The following CDH10 variants were observed in gnomAD, a reference collection of about 807,000 sequenced individuals.
The protein encoded by CDH10 is cadherin-10.
A neutral mutation model predicts 73.1 loss-of-function variants in CDH10; 30 were observed. That is an observed-to-expected ratio of 0.41 (90% CI 0.31 to 0.56). CDH10 has a LOEUF of 0.56. CDH10 is among the 20% of genes least tolerant of loss of function. The probability of loss-of-function intolerance (pLI) is 0.27; values close to 1 mark genes in which losing one functional copy is unlikely to be tolerated. For missense variants in CDH10, 815 were observed against 973.7 expected, an observed-to-expected ratio of 0.84 and a Z score of 2.17; for synonymous variants, 345 against 348.2, an observed-to-expected ratio of 0.99 and a Z score of 0.10.
chr5:24,563,473 C>G (rs896632164), intron 2 of CDH10, among the ~76,000 whole-genome samples: 3 of 145,492 alleles, frequency 2.1e-5, no homozygotes, highest in Admixed American at 2.1e-4. Flanking sequence ...ACTATGTAAA[C>G]AGCCGGGCGC....
intron 5 of CDH10, among the ~76,000 whole-genome samples, chr5:24,522,672 C>T (rs1579756569): frequency 6.6e-6 from 1 of 152,100 alleles, no homozygotes; most frequent in East Asian, 1.9e-4. Context: ...AGCAGCTGCC[C>T]ACACAACACA....
At chr5:24,599,587 T>C (rs1010237719) in intron 1 of CDH10, among the ~76,000 whole-genome samples, 2 of 152,200 alleles carry the variant, frequency 1.3e-5, no homozygotes, top group African/African-American at 4.8e-5. Context: ...CAGACTGGCA[T>C]AAACTGTTCT....
intron 1 of CDH10, among the ~76,000 whole-genome samples, chr5:24,615,334 C>T (rs1272967782): frequency 6.6e-6 from 1 of 152,152 alleles, no homozygotes; most frequent in African/African-American, 2.4e-5. Flanking sequence ...CTCGTTGACA[C>T]TAAAAACTGA....
At chr5:24,644,441 CTTAT>C (rs1266570581) in intron 1 of CDH10, among the ~76,000 whole-genome samples, 149 bp downstream of exon 1, 9 of 151,888 alleles carry the variant, frequency 5.9e-5, no homozygotes, top group East Asian at 1.9e-4. Context: ...GAGTTGTATG[CTTAT>C]TTAAGTATTA....
At chr5:24,503,467 T>C (rs573177279) in intron 8 of CDH10, among the ~76,000 whole-genome samples, 11 of 152,264 alleles carry the variant, frequency 7.2e-5, no homozygotes, top group African/African-American at 2.6e-4. Flanking sequence ...TAAAAGAGAC[T>C]CTTGCATGTT....
chr5:24,497,087 C>A (rs1475692729), intron 9 of CDH10, among the ~76,000 whole-genome samples: 1 of 151,520 alleles, frequency 6.6e-6, no homozygotes, highest in Non-Finnish European at 1.5e-5. Flanking sequence ...TTTAAATGTC[C>A]AAAAGGTATG....
Position 24,634,574 on chromosome 5 carries a change from G to T in CDH10, c.-124+10020C>A, listed in dbSNP as rs146071957. 6.1e-4 allele frequency among the ~76,000 whole-genome samples: 93 copies of T among 151,782 alleles called. 1 individual carries two copies. The highest frequency in any genetic ancestry group is 2.2e-3 in the African/African-American group (90 of 41,522). On this transcript the variant is annotated intron_variant, in intron 1 of 11. Transcript: ENST00000264463. Reference sequence around the variant, plus strand: ...CATTTAATCAAGATGATAAGAAAAAGATAACTGTGACTCTGATTAAGCAGA... The same window carrying T: ...CATTTAATCAAGATGATAAGAAAAATATAACTGTGACTCTGATTAAGCAGA...
rs559206857 is a variant in CDH10, at chr5:24,500,630, A to G, written c.1394-2111T>C. On this transcript the variant is annotated intron_variant, in intron 8 of 11. Transcript: ENST00000264463. ...TATTCAATGTCTTGGTTTACTCAAT[A>G]TAAATCAAAGTAGAACCTCTAATCT... Among the ~76,000 whole-genome samples the G allele has an allele frequency of 1.7e-3, 261 of 152,344 alleles. 1 individual carries two copies. Among genetic ancestry groups the G allele is most frequent in the African/African-American group, 6.1e-3 (254 of 41,588 alleles).
In CDH10 at chr5:24,489,596, T is replaced by C. The variant is rs28654212; in HGVS notation, c.1877-1443A>G. On this transcript the variant is annotated intron_variant, in intron 11 of 11. Transcript: ENST00000264463. ...TAATGTTGAGGATAATGACAACTTA[T>C]TACAATTCGCTCCAAGTCCAAGTTC... Among the ~76,000 whole-genome samples, 1,347 of 152,266 alleles carry C rather than the reference T, an allele frequency of 8.8e-3. 26 individuals are homozygous for C. Among genetic ancestry groups the C allele is most frequent in the African/African-American group, 0.031 (1,278 of 41,576 alleles).
At chr5:24,598,219 G>C (rs935686643) in intron 1 of CDH10, among the ~76,000 whole-genome samples, 12 of 151,812 alleles carry the variant, frequency 7.9e-5, no homozygotes, top group African/African-American at 2.9e-4. Flanking sequence ...TTGAATCAAA[G>C]CATTACACTA....
At chr5:24,550,495 A>G (rs1744505580) in intron 2 of CDH10, among the ~76,000 whole-genome samples, 1 of 152,204 alleles carries the variant, frequency 6.6e-6, no homozygotes, top group Admixed American at 6.5e-5. Flanking sequence ...TTCCAAATTT[A>G]TATCAGATAT....
chr5:24,496,617 G>A (rs754248979), intron 9 of CDH10, among the ~76,000 whole-genome samples: 3 of 152,168 alleles, frequency 2.0e-5, no homozygotes, highest in South Asian at 2.1e-4. Context: ...CCATGTCGGT[G>A]TTCTAAGTGC....
At chr5:24,526,016 CT>C (rs1743519228) in intron 5 of CDH10, among the ~76,000 whole-genome samples, 1 of 152,054 alleles carries the variant, frequency 6.6e-6, no homozygotes, top group Non-Finnish European at 1.5e-5. Context: ...AAATTAGTCA[CT>C]CATAAATATA....
intron 1 of CDH10, among the ~76,000 whole-genome samples, chr5:24,604,977 A>G (rs1036412336): frequency 2.0e-5 from 3 of 152,124 alleles, no homozygotes; most frequent in Admixed American, 2.0e-4. Flanking sequence ...GTCTTTTTTC[A>G]TACTGTATAA....
At chr5:24,549,273 G>A (rs909791065) in intron 2 of CDH10, among the ~76,000 whole-genome samples, 1 of 152,272 alleles carries the variant, frequency 6.6e-6, no homozygotes, top group Non-Finnish European at 1.5e-5. Flanking sequence ...GAGTAAGAAC[G>A]AAGTAGAAGT....
chr5:24,564,950 C>G (rs1363879539), intron 2 of CDH10, among the ~76,000 whole-genome samples: 1 of 152,070 alleles, frequency 6.6e-6, no homozygotes, highest in Non-Finnish European at 1.5e-5. Flanking sequence ...TGAGTATATG[C>G]CCACCATACC....
chr5:24,516,163 A>G (rs1384308388), intron 5 of CDH10, among the ~76,000 whole-genome samples: 1 of 152,196 alleles, frequency 6.6e-6, no homozygotes, highest in Non-Finnish European at 1.5e-5. Flanking sequence ...TGTTCTTGTC[A>G]TTAGATTAAA....
At chr5:24,490,920 T>C (rs1231125492) in intron 11 of CDH10, among the ~76,000 whole-genome samples, 2 of 152,220 alleles carry the variant, frequency 1.3e-5, no homozygotes, top group Non-Finnish European at 2.9e-5. Context: ...TTTGTCTTTG[T>C]TGCTTTTAGT....
At chr5:24,519,817 A>C (rs1432628395) in intron 5 of CDH10, among the ~76,000 whole-genome samples, 3 of 152,218 alleles carry the variant, frequency 2.0e-5, no homozygotes, top group Non-Finnish European at 2.9e-5. Flanking sequence ...AGTAACAAAA[A>C]CTAGGTGGCC....
Sources: allele counts gnomAD v4.1 joint callset (sites outside exome capture counted in the v4.1 genomes callset), GRCh38; gene constraint gnomAD v4.1.1; transcripts MANE v1.5; gene names NCBI Gene and HGNC (gene_info 2026-07-23, HGNC 2026-07-21).